NTRK3: variants seen among roughly 807,000 people sequenced by gnomAD.
NTRK3 encodes the protein NT-3 growth factor receptor.
In NTRK3, 24 loss-of-function variants were observed where a neutral mutation model predicts 91.7. That is an observed-to-expected ratio of 0.26 (90% CI 0.19 to 0.37). The LOEUF is 0.37. NTRK3 is among the 10% of genes least tolerant of loss of function. NTRK3 has a pLI of 1.00. For synonymous variants in NTRK3, 483 were observed against 404.0 expected (o/e 1.20, Z -2.34); for missense variants, 880 against 1,068.9 (o/e 0.82, Z 2.46).
intron 3 of NTRK3, among the ~76,000 whole-genome samples, chr15:88,211,120 G>A (rs1460604265): frequency 1.3e-5 from 2 of 152,134 alleles, no homozygotes; most frequent in Non-Finnish European, 2.9e-5. Flanking sequence ...CTTCTATTTA[G>A]TGCCAAAGCA....
At chr15:88,208,687 G>C (rs1200763777) in intron 3 of NTRK3, among the ~76,000 whole-genome samples, 2 of 152,212 alleles carry the variant, frequency 1.3e-5, no homozygotes, top group Non-Finnish European at 2.9e-5. Flanking sequence ...GAAGAGCTGG[G>C]TTTGATGGCA....
intron 14 of NTRK3, among the ~76,000 whole-genome samples, chr15:87,992,438 T>G (rs894016982): frequency 6.6e-6 from 1 of 152,248 alleles, no homozygotes; most frequent in Non-Finnish European, 1.5e-5. Flanking sequence ...TATAAGCCAC[T>G]TGGCAGTTAA....
intron 13 of NTRK3, 100 bp downstream of exon 13, chr15:88,126,171 G>T: frequency 1.2e-6 from 1 of 854,872 alleles, no homozygotes; most frequent in Non-Finnish European, 2.0e-6. Context: ...ATGACCGGAG[G>T]CCCTCTCAGA....
In NTRK3 at chr15:88,230,023, G is replaced by A. The variant is rs916165899; in HGVS notation, c.248+25883C>T. ...GACCATAGACTGTCATCTGTAACTT[G>A]TAGGGGTGTGAGCGTGTGCTCTGGA... On this transcript the variant is annotated intron_variant, in intron 3 of 18. Transcript: ENST00000394480. Among the ~76,000 whole-genome samples the A allele has an allele frequency of 3.3e-5, 5 of 152,348 alleles. No homozygotes were observed. The South Asian group carries it at 1.0e-3, about 32-fold the overall frequency.
intron 17 of NTRK3, among the ~76,000 whole-genome samples, chr15:87,881,612 G>C (rs1320790461): frequency 6.6e-6 from 1 of 151,912 alleles, no homozygotes; most frequent in African/African-American, 2.4e-5. Context: ...GTAGAGACGG[G>C]GTTTCACTGT....
At chr15:88,137,425 G>T in exon 7 of NTRK3, 1 of 1,613,986 alleles carries the variant, frequency 6.2e-7, no homozygotes, top group Non-Finnish European at 8.5e-7. Context: ...ATGTTCATGC[G>T]GAAGAGAGGA....
chr15:88,070,641 C>A (rs565714561), intron 13 of NTRK3, among the ~76,000 whole-genome samples: 1 of 152,218 alleles, frequency 6.6e-6, no homozygotes, highest in African/African-American at 2.4e-5. Flanking sequence ...AGTAGCCTCT[C>A]CTCACTCCCC....
intron 3 of NTRK3, among the ~76,000 whole-genome samples, chr15:88,214,153 G>A (rs1172004733): frequency 1.3e-5 from 2 of 152,070 alleles, no homozygotes; most frequent in Non-Finnish European, 2.9e-5. Context: ...AGAGTTTCCC[G>A]GGGCTCCCAT....
At chr15:88,048,958 A>G (rs1241360599) in intron 13 of NTRK3, among the ~76,000 whole-genome samples, 2 of 152,172 alleles carry the variant, frequency 1.3e-5, no homozygotes, top group Admixed American at 6.5e-5. Context: ...TGTAAGGTCA[A>G]CCGTAACCTC....
chr15:87,938,087 G>GCAC, intron 15 of NTRK3, among the ~76,000 whole-genome samples: 1 of 152,252 alleles, frequency 6.6e-6, no homozygotes, highest in African/African-American at 2.4e-5. Context: ...TTTCAGAGTG[G>GCAC]CACCACTTAT....
chr15:88,057,653 A>G (rs533535218), intron 13 of NTRK3, among the ~76,000 whole-genome samples: 1 of 152,240 alleles, frequency 6.6e-6, no homozygotes, highest in Admixed American at 6.5e-5. Flanking sequence ...ACCTCAGGGG[A>G]GCATCAGGGA....
chr15:88,132,663 T>C (rs2041476760), intron 10 of NTRK3, among the ~76,000 whole-genome samples: 1 of 152,178 alleles, frequency 6.6e-6, no homozygotes, highest in Admixed American at 6.5e-5. Flanking sequence ...CAGACCAGCT[T>C]TGCATCTAGG....
chr15:88,049,554 A>T (rs2080596926), intron 13 of NTRK3, among the ~76,000 whole-genome samples: 1 of 152,228 alleles, frequency 6.6e-6, no homozygotes, highest in Admixed American at 6.5e-5. Flanking sequence ...AAGCAAAATG[A>T]TATATGTAAA....
At chr15:88,046,412 C>T (rs1175695817) in intron 13 of NTRK3, among the ~76,000 whole-genome samples, 5 of 152,130 alleles carry the variant, frequency 3.3e-5, no homozygotes, top group Non-Finnish European at 5.9e-5. Flanking sequence ...CCCAGGTCTA[C>T]AGGTGGGACA....
chr15:88,069,484 G>T (rs753998738), intron 13 of NTRK3, among the ~76,000 whole-genome samples: 3 of 152,162 alleles, frequency 2.0e-5, no homozygotes, highest in Admixed American at 6.5e-5. Context: ...GCGGTGTCAG[G>T]GGGAGCAATG....
intron 14 of NTRK3, among the ~76,000 whole-genome samples, chr15:87,992,051 A>C (rs2075329024): frequency 6.6e-6 from 1 of 151,896 alleles, no homozygotes; most frequent in Non-Finnish European, 1.5e-5. Flanking sequence ...GGGGCTTCTT[A>C]ACATGTTTCC....
chr15:88,052,883 T>C (rs1316550034), intron 13 of NTRK3, among the ~76,000 whole-genome samples: 1 of 152,074 alleles, frequency 6.6e-6, no homozygotes, highest in East Asian at 1.9e-4. Flanking sequence ...TTAAGAGAAT[T>C]TGGGCCCAAG....
At chr15:87,968,990 CTTCTT>C (rs972100793) in intron 14 of NTRK3, among the ~76,000 whole-genome samples, 3 of 152,116 alleles carry the variant, frequency 2.0e-5, no homozygotes, top group African/African-American at 7.2e-5. Context: ...CATTTCTTTA[CTTCTT>C]TTATCTCCTC....
At chr15:88,162,450 G>A (rs2044546886) in intron 5 of NTRK3, among the ~76,000 whole-genome samples, 2 of 152,146 alleles carry the variant, frequency 1.3e-5, no homozygotes, top group Non-Finnish European at 2.9e-5. Flanking sequence ...TGAATGAACG[G>A]GGGATCAGCC....
Sources: allele counts gnomAD v4.1 joint callset (sites outside exome capture counted in the v4.1 genomes callset), GRCh38; gene constraint gnomAD v4.1.1; transcripts MANE v1.5; gene names NCBI Gene and HGNC (gene_info 2026-07-23, HGNC 2026-07-21).